ZNF799: variants seen among roughly 807,000 people sequenced by gnomAD.
ZNF799 encodes zinc finger protein 799.
ZNF799 carries 28 observed loss-of-function variants against 41.0 expected under a neutral mutation model. The observed-to-expected ratio is 0.68, with a 90% CI of 0.51 to 0.94. ZNF799 has a LOEUF of 0.94. Ranked by LOEUF, ZNF799 falls within the 40% of genes least tolerant of loss-of-function variation. The pLI is 0.00. For synonymous variants in ZNF799, 213 were observed against 252.9 expected, an observed-to-expected ratio of 0.84 and a Z score of 1.50; for missense variants, 716 against 764.3, an observed-to-expected ratio of 0.94 and a Z score of 0.74.
chr19:12,392,891 G>A (rs1375453069), intron 2 of ZNF799, among the ~76,000 whole-genome samples: 1 of 152,132 alleles, frequency 6.6e-6, no homozygotes, highest in Non-Finnish European at 1.5e-5. Flanking sequence ...CTCTTACTCA[G>A]CCTACTCAAT....
chr19:12,400,628 C>CT (rs1219902167), intron 1 of ZNF799: 3 of 266,776 alleles, frequency 1.1e-5, no homozygotes, highest in Non-Finnish European at 2.1e-5. Flanking sequence ...CCCCTCACTT[C>CT]CCCACCAACC....
intron 1 of ZNF799, chr19:12,394,072 TA>T (rs75197208): frequency 1.2e-3 from 172 of 143,810 alleles, no homozygotes; most frequent in Admixed American, 1.5e-3. Flanking sequence ...AAAGTGGCAG[TA>T]AAAAAAAAAA....
chr19:12,400,974 A>C, intron 1 of ZNF799, 94 bp downstream of exon 1: 74 of 1,608,458 alleles, frequency 4.6e-5, no homozygotes, highest in Middle Eastern at 1.7e-4. Flanking sequence ...ATCCCGGAGT[A>C]GCCCTTGGGG....
the ZNF799 span, among the ~76,000 whole-genome samples, chr19:12,412,381 G>A: frequency 1.3e-5 from 2 of 152,140 alleles, no homozygotes; most frequent in Admixed American, 6.5e-5. Context: ...GGATGTCTAT[G>A]TAAATGCACT....
the ZNF799 span, among the ~76,000 whole-genome samples, chr19:12,406,339 C>T: frequency 1.6e-4 from 24 of 149,408 alleles, no homozygotes; most frequent in African/African-American, 5.4e-4. Context: ...AAAAAAATAG[C>T]CGGGCATGGT....
At position 12,401,246 on chromosome 19, in the gene ZNF799, T is replaced by C; in HGVS notation, c.-176A>G. ...GCCGCGGGCTTTTTCAACCACACAC[T>C]CCTCTGGGAAGCGCGCCTGATTGAC... On this transcript the variant is annotated 5_prime_UTR_variant, in exon 1 of 4. Coordinates refer to ENST00000430385, the MANE Select transcript of ZNF799 (RefSeq NM_001080821.3). The C allele has an allele frequency of 7.1e-7, 1 of 1,417,306 alleles. No individual in the cohort carries two copies. Among genetic ancestry groups the C allele is most frequent in the Non-Finnish European group, 9.3e-7 (1 of 1,072,108 alleles). 87.8% of individuals were successfully genotyped at this position (1,417,306 alleles called of 1,614,324 possible).
chr19:12,400,173 C>T (rs1455665378), intron 1 of ZNF799, among the ~76,000 whole-genome samples: 1 of 152,224 alleles, frequency 6.6e-6, no homozygotes, highest in Non-Finnish European at 1.5e-5. Context: ...CTGCTAACCA[C>T]ATCTTTGGAA....
At chr19:12,404,700 A>C (rs1451799210), upstream of ZNF799, among the ~76,000 whole-genome samples, 1 of 152,220 alleles carries the variant, frequency 6.6e-6, no homozygotes, top group African/African-American at 2.4e-5. Context: ...AAGGTCTGAA[A>C]CAAGGCTCTC....
chr19:12,392,692 C>A, intron 2 of ZNF799, 29 bp from the exon 3 acceptor site: 2 of 1,541,196 alleles, frequency 1.3e-6, no homozygotes, highest in Non-Finnish European at 1.8e-6. Flanking sequence ...AAAATCATTA[C>A]AAATTTTTAC....
At chr19:12,398,142 C>T (rs571283422) in intron 1 of ZNF799, 1 of 152,436 alleles carries the variant, frequency 6.6e-6, no homozygotes, top group Admixed American at 6.5e-5. Flanking sequence ...ACCTGTAGTC[C>T]CAGCTACTCG....
intron 1 of ZNF799, chr19:12,394,485 C>T (rs1169438429): frequency 1.3e-6 from 1 of 752,934 alleles, no homozygotes; most frequent in African/African-American, 1.9e-5. Context: ...TTTGTTGCAA[C>T]TTGTTATTTG....
In ZNF799 at chr19:12,401,084, C is replaced by T; in HGVS notation, c.-14G>A. On this transcript the variant is annotated 5_prime_UTR_variant, in exon 1 of 4. Coordinates refer to ENST00000430385, the MANE Select transcript of ZNF799 (RefSeq NM_001080821.3). ...CACACGCACCATTTCCCGACTTCCGCGGTGTCCCAGGTCCTCCGGACGGCT... is the reference window on the plus strand; with the variant it reads ...CACACGCACCATTTCCCGACTTCCGTGGTGTCCCAGGTCCTCCGGACGGCT... The T allele has an allele frequency of 3.1e-6, 5 of 1,613,910 alleles. No individual in the cohort carries two copies. Among genetic ancestry groups the T allele is most frequent in the Non-Finnish European group, 4.2e-6 (5 of 1,179,890 alleles).
upstream of ZNF799, among the ~76,000 whole-genome samples, chr19:12,405,763 G>A (rs1352149323): frequency 6.6e-6 from 1 of 152,140 alleles, no homozygotes; most frequent in African/African-American, 2.4e-5. Flanking sequence ...GCATAATTTT[G>A]TTTTGATACA....
At chr19:12,412,865 C>T in the ZNF799 span, among the ~76,000 whole-genome samples, 1 of 151,698 alleles carries the variant, frequency 6.6e-6, no homozygotes, top group Admixed American at 6.6e-5. Flanking sequence ...CATGGAGAAA[C>T]CCTATCTCTA....
rs1215557178 is a variant in ZNF799 at position 12,400,728 on chromosome 19, T to C, written c.3+340A>G. ...GTCCTCCCCTCTCTGGCTATTAAAC[T>C]GTTTCTGCTGCAGCCCTCAGCGTCT... On this transcript the variant is annotated intron_variant, in intron 1 of 3. Transcript: ENST00000430385. The C allele has an allele frequency of 7.7e-6, 4 of 517,708 alleles. No homozygotes were observed. In the East Asian group the frequency reaches 1.1e-4, roughly 14 times the overall value. 32.1% of individuals were successfully genotyped at this position (517,708 alleles called of 1,614,324 possible).
At chr19:12,392,452 T>C (rs1048835068) in intron 3 of ZNF799, 151 bp downstream of exon 3, 5 of 754,326 alleles carry the variant, frequency 6.6e-6, no homozygotes, top group African/African-American at 3.6e-5. Flanking sequence ...TGAACAGCTA[T>C]GGAACATTTA....
the ZNF799 span, among the ~76,000 whole-genome samples, chr19:12,410,936 T>C: frequency 5.9e-5 from 9 of 152,148 alleles, no homozygotes. Context: ...AAATAACAAA[T>C]GTCCCAAGAA....
chr19:12,410,236 T>C, the ZNF799 span, among the ~76,000 whole-genome samples: 5 of 147,256 alleles, frequency 3.4e-5, no homozygotes, highest in African/African-American at 1.2e-4. Flanking sequence ...TGTCTGTGTA[T>C]ATATCAATGT....
At chr19:12,401,947 ACT>A (rs1180500328), upstream of ZNF799, among the ~76,000 whole-genome samples, 1 of 151,994 alleles carries the variant, frequency 6.6e-6, no homozygotes, top group Non-Finnish European at 1.5e-5. Flanking sequence ...TACTATAGTC[ACT>A]CTGTTGTGCT....
Sources: allele counts gnomAD v4.1 joint callset (sites outside exome capture counted in the v4.1 genomes callset), GRCh38; gene constraint gnomAD v4.1.1; transcripts MANE v1.5; gene names NCBI Gene and HGNC (gene_info 2026-07-23, HGNC 2026-07-21).